SLC9A4: variants seen among roughly 807,000 people sequenced by gnomAD.
SLC9A4 encodes sodium/hydrogen exchanger 4.
A neutral mutation model predicts 67.4 loss-of-function variants in SLC9A4; 63 were observed. The ratio of observed to expected loss-of-function variants is 0.93; its 90% CI spans 0.76 to 1.15. The LOEUF is 1.15. SLC9A4 is among the 50% of genes most tolerant of loss of function. SLC9A4 has a pLI of 0.00. For synonymous variants in SLC9A4, 393 were observed against 367.2 expected, an observed-to-expected ratio of 1.07 and a Z score of -0.80; for missense variants, 1,089 against 987.7, an observed-to-expected ratio of 1.10 and a Z score of -1.38.
chr2:102,498,002 G>A (rs1684847083), intron 2 of SLC9A4, among the ~76,000 whole-genome samples: 1 of 152,138 alleles, frequency 6.6e-6, no homozygotes, highest in East Asian at 1.9e-4. Context: ...AATGTTGGAA[G>A]GCTTGGAAAA....
chr2:102,517,892 T>C (rs757498746), intron 8 of SLC9A4, among the ~76,000 whole-genome samples: 4 of 151,932 alleles, frequency 2.6e-5, no homozygotes, highest in Non-Finnish European at 5.9e-5. Context: ...GTGACAAGAG[T>C]CTTTTGGTTT....
At chr2:102,474,675 C>G (rs1323038194) in intron 1 of SLC9A4, among the ~76,000 whole-genome samples, 1 of 152,180 alleles carries the variant, frequency 6.6e-6, no homozygotes, top group African/African-American at 2.4e-5. Context: ...ATCAAGGGAT[C>G]TTTGTGTCAA....
intron 1 of SLC9A4, 111 bp downstream of exon 1, chr2:102,474,126 C>T: frequency 2.3e-6 from 3 of 1,284,794 alleles, no homozygotes; most frequent in Non-Finnish European, 3.2e-6. Context: ...ACTGCTATTA[C>T]ATTAAAAATT....
chr2:102,494,474 C>A (rs1276654376), intron 2 of SLC9A4, among the ~76,000 whole-genome samples: 1 of 151,990 alleles, frequency 6.6e-6, no homozygotes, highest in East Asian at 1.9e-4. Context: ...TATGGTAGAT[C>A]TAAAACTAAC....
chr2:102,515,264 CTGAG>C (rs1685253023), intron 8 of SLC9A4, among the ~76,000 whole-genome samples: 1 of 151,686 alleles, frequency 6.6e-6, no homozygotes, highest in Non-Finnish European at 1.5e-5. Flanking sequence ...TCTCTATTGC[CTGAG>C]TGTTATTTCT....
intron 2 of SLC9A4, among the ~76,000 whole-genome samples, chr2:102,497,520 C>T (rs1337922579): frequency 1.3e-5 from 2 of 152,116 alleles, no homozygotes; most frequent in Non-Finnish European, 2.9e-5. Context: ...GAAGGGACCA[C>T]TAACACCTGC....
rs1170530803 is a variant in SLC9A4 at position 102,508,953 on chromosome 2, C to T, written c.1488+20C>T. The T allele has an allele frequency of 6.3e-7, 1 of 1,578,064 alleles. No homozygotes were observed. Among genetic ancestry groups the T allele is most frequent in the Non-Finnish European group, 8.7e-7 (1 of 1,154,406 alleles). On this transcript the variant is annotated intron_variant, in intron 6 of 11. Transcript: ENST00000295269. ...ATTCGTGTAAGTTATCTCATAGTCA[C>T]AATTAATAAATTAACAAGACATTTC... is the stretch of plus-strand genomic sequence containing the variant.
intron 4 of SLC9A4, among the ~76,000 whole-genome samples, chr2:102,506,518 T>G (rs1354484543): frequency 6.6e-6 from 1 of 152,150 alleles, no homozygotes; most frequent in Admixed American, 6.5e-5. Context: ...TGGGGGAGAA[T>G]AGAGGAAGCT....
rs142214793 is a variant in SLC9A4, at chr2:102,517,795, A to C, written c.1722-2064A>C. Among the ~76,000 whole-genome samples the C allele has an allele frequency of 6.7e-4, 102 of 152,356 alleles. 1 individual carries two copies. In the East Asian group the frequency reaches 0.016, roughly 24 times the overall value. On this transcript the variant is annotated intron_variant, in intron 8 of 11. Transcript: ENST00000295269. ...CGTTATATTCAATATACGTAGGTTC[A>C]GATTTTTCCAGTTTGATTGAAATTA...
In SLC9A4 at chr2:102,532,832, G is replaced by C; in HGVS notation, c.*144G>C. ...AACATGGATCTATAAGCAGCAGGAA[G>C]ATTTTTTCCAAGGACTGGGAGCAAA... is the stretch of plus-strand genomic sequence containing the variant. On this transcript the variant is annotated 3_prime_UTR_variant, in exon 12 of 12. Coordinates refer to ENST00000295269, the MANE Select transcript of SLC9A4 (RefSeq NM_001011552.4). The C allele has an allele frequency of 1.1e-6, 1 of 908,384 alleles. No individual in the cohort carries two copies. Among genetic ancestry groups the C allele is most frequent in the Non-Finnish European group, 1.6e-6 (1 of 619,514 alleles). 56.3% of individuals were successfully genotyped at this position (908,384 alleles called of 1,614,324 possible). A position where few individuals can be genotyped will look rare whatever the true frequency, so the allele number is the denominator to read the frequency against.
At chr2:102,516,586 A>T (rs936159616) in intron 8 of SLC9A4, among the ~76,000 whole-genome samples, 2 of 152,210 alleles carry the variant, frequency 1.3e-5, no homozygotes, top group Non-Finnish European at 2.9e-5. Context: ...TAGATTTTCA[A>T]ATTCTATGAC....
intron 11 of SLC9A4, 145 bp downstream of exon 11, chr2:102,526,491 T>C (rs1558675148): frequency 1.9e-5 from 12 of 642,140 alleles, no homozygotes; most frequent in Non-Finnish European, 3.1e-5. Flanking sequence ...TCTTTTATAG[T>C]TGAAACTCGG....
intron 9 of SLC9A4, among the ~76,000 whole-genome samples, chr2:102,523,226 G>A (rs760791301): frequency 6.6e-6 from 1 of 151,630 alleles, no homozygotes; most frequent in Non-Finnish European, 1.5e-5. Flanking sequence ...CACTTGTCTT[G>A]GCCTCCTGAA....
At position 102,512,281 on chromosome 2, in the gene SLC9A4, G is replaced by A; in HGVS notation, c.1559+8G>A. The A allele has an allele frequency of 6.2e-7, 1 of 1,613,606 alleles. No homozygotes were observed. The highest frequency in any genetic ancestry group is 8.5e-7 in the Non-Finnish European group (1 of 1,179,704). On this transcript the variant is annotated splice_region_variant and intron_variant, in intron 7 of 11. Transcript: ENST00000295269. ...CTACCAAGTGAGAGACAAGTAAGGA[G>A]GCTGAGGGTTTCACTCCCTGACAAA...
At chr2:102,495,961 T>C (rs908839031) in intron 2 of SLC9A4, among the ~76,000 whole-genome samples, 1 of 152,114 alleles carries the variant, frequency 6.6e-6, no homozygotes, top group Admixed American at 6.5e-5. Context: ...AAAGACTTTT[T>C]GACCTTGGAG....
chr2:102,485,437 C>T (rs11900296), intron 2 of SLC9A4, among the ~76,000 whole-genome samples: 15,651 of 152,174 alleles, frequency 0.1, 1,028 homozygotes, highest in Middle Eastern at 0.18. Flanking sequence ...TTCTTGCTGC[C>T]AGCATTAGAT....
chr2:102,477,290 T>C (rs1684355507), intron 1 of SLC9A4, among the ~76,000 whole-genome samples: 1 of 152,218 alleles, frequency 6.6e-6, no homozygotes, highest in African/African-American at 2.4e-5. Context: ...CTCTCTTATT[T>C]CACTCTTGAT....
rs1276108719 is a variant in SLC9A4, at chr2:102,533,582, T to C, written c.*894T>C. ...TATGTATACATGTGCCATGCTGGTGTGCTGCACCCGCTAACTCGTCATCTA... is the reference window on the plus strand; with the variant it reads ...TATGTATACATGTGCCATGCTGGTGCGCTGCACCCGCTAACTCGTCATCTA... On this transcript the variant is annotated 3_prime_UTR_variant, in exon 12 of 12. Coordinates refer to ENST00000295269, the MANE Select transcript of SLC9A4 (RefSeq NM_001011552.4). 6.6e-6 allele frequency: 1 copy of C among 151,628 alleles called. No homozygotes were observed. The highest frequency in any genetic ancestry group is 1.9e-4 in the East Asian group (1 of 5,160). 9.4% of individuals were successfully genotyped at this position (151,628 alleles called of 1,614,324 possible).
chr2:102,514,164 C>G lies in SLC9A4; in HGVS notation c.1634C>G (p.Ser545Cys), dbSNP rs267598812. ...AACCTACCCAAATCAAGCATTGTTTCTTTGTACAAGAAGCTGGAAATGAAG... is the reference window on the plus strand; with the variant it reads ...AACCTACCCAAATCAAGCATTGTTTGTTTGTACAAGAAGCTGGAAATGAAG... Reference protein sequence around the residue: ...RKNLPKSSIVSLYKKLEMKQA... With the variant: ...RKNLPKSSIVCLYKKLEMKQA... The change falls in exon 8 of 12, where the codon TCT becomes TGT. Residue 545 changes from serine to cysteine, a missense_variant. Physicochemically the swap from Ser to Cys is moderately radical, Grantham distance 112. Coordinates refer to ENST00000295269, the MANE Select transcript of SLC9A4 (RefSeq NM_001011552.4). 1 of 1,614,026 alleles carries G rather than the reference C, an allele frequency of 6.2e-7. No homozygotes were observed. The highest frequency in any genetic ancestry group is 8.5e-7 in the Non-Finnish European group (1 of 1,179,982).
Sources: allele counts gnomAD v4.1 joint callset (sites outside exome capture counted in the v4.1 genomes callset), GRCh38; gene constraint gnomAD v4.1.1; transcripts MANE v1.5; gene names NCBI Gene and HGNC (gene_info 2026-07-23, HGNC 2026-07-21).